Variants in PTPRT observed in about 807,000 individuals in gnomAD.
PTPRT encodes protein tyrosine phosphatase receptor type T, also known as receptor-type tyrosine-protein phosphatase T.
Under a neutral mutation model 176.8 loss-of-function variants are expected in PTPRT, and 56 were observed. That is an observed-to-expected ratio of 0.32 (90% CI 0.26 to 0.40). The LOEUF (loss-of-function observed/expected upper bound fraction) is 0.40, where lower values mean the gene tolerates loss of function less well. PTPRT is among the 10% of genes least tolerant of loss of function. The pLI, the probability that PTPRT is intolerant of heterozygous loss-of-function variation, is 1.00. For synonymous variants in PTPRT, 783 were observed against 739.0 expected (o/e 1.06, Z -0.96); for missense variants, 1,540 against 1,908.2 (o/e 0.81, Z 3.60).
At chr20:42,792,702 TCAG>T (rs2077394872) in intron 2 of PTPRT, among the ~76,000 whole-genome samples, 1 of 152,166 alleles carries the variant, frequency 6.6e-6, no homozygotes, top group Non-Finnish European at 1.5e-5. Flanking sequence ...CCACTTATCC[TCAG>T]CCAAGTTGAG....
At chr20:42,575,814 C>T (rs978626113) in intron 7 of PTPRT, among the ~76,000 whole-genome samples, 2 of 152,104 alleles carry the variant, frequency 1.3e-5, no homozygotes, top group African/African-American at 4.8e-5. Flanking sequence ...TCTCCAGCGC[C>T]CACACCCTCG....
At chr20:42,653,688 A>T (rs956386221) in intron 7 of PTPRT, among the ~76,000 whole-genome samples, 1 of 152,212 alleles carries the variant, frequency 6.6e-6, no homozygotes, top group South Asian at 2.1e-4. Flanking sequence ...TGAACTATTT[A>T]AAAAATAGTT....
intron 7 of PTPRT, among the ~76,000 whole-genome samples, chr20:42,538,293 T>C (rs992822760): frequency 6.6e-6 from 1 of 152,128 alleles, no homozygotes; most frequent in Non-Finnish European, 1.5e-5. Context: ...CCTCTCAAGG[T>C]TCCTTTTCCA....
chr20:42,147,404 C>A (rs1235944217), intron 17 of PTPRT, among the ~76,000 whole-genome samples: 2 of 152,146 alleles, frequency 1.3e-5, no homozygotes, highest in African/African-American at 2.4e-5. Flanking sequence ...GATAGCTCAC[C>A]ACTTCTCCAA....
chr20:42,962,888 G>A (rs1198137648), intron 1 of PTPRT, among the ~76,000 whole-genome samples: 7 of 152,252 alleles, frequency 4.6e-5, no homozygotes, highest in East Asian at 3.9e-4. Flanking sequence ...CCAACATGGT[G>A]AAACCCAGTC....
At chr20:42,702,138 G>A (rs963512729) in intron 6 of PTPRT, among the ~76,000 whole-genome samples, 12 of 152,062 alleles carry the variant, frequency 7.9e-5, no homozygotes, top group Non-Finnish European at 1.8e-4. Context: ...ATCACATCCT[G>A]TTCCACCCTC....
intron 15 of PTPRT, among the ~76,000 whole-genome samples, chr20:42,222,180 C>T (rs986673389): frequency 3.3e-5 from 5 of 152,302 alleles, no homozygotes; most frequent in South Asian, 2.1e-4. Flanking sequence ...GATGAGAACA[C>T]AGCACTAGTA....
chr20:42,147,030 C>T (rs1988898107), intron 17 of PTPRT, among the ~76,000 whole-genome samples: 1 of 152,180 alleles, frequency 6.6e-6, no homozygotes, highest in African/African-American at 2.4e-5. Flanking sequence ...ACTGCATCCC[C>T]AGGTAAAGCC....
At chr20:43,123,322 C>T (rs888816915) in intron 1 of PTPRT, among the ~76,000 whole-genome samples, 2 of 152,216 alleles carry the variant, frequency 1.3e-5, no homozygotes, top group African/African-American at 4.8e-5. Flanking sequence ...TCACTTGAAA[C>T]ACTTTCCACA....
chr20:43,004,640 GACA>G (rs1173159652), intron 1 of PTPRT, among the ~76,000 whole-genome samples: 2 of 152,082 alleles, frequency 1.3e-5, no homozygotes, highest in African/African-American at 4.8e-5. Context: ...ATAGAAAATA[GACA>G]AATAGGTATG....
intron 1 of PTPRT, among the ~76,000 whole-genome samples, chr20:43,084,119 A>T (rs2011540049): frequency 6.6e-6 from 1 of 152,164 alleles, no homozygotes; most frequent in African/African-American, 2.4e-5. Flanking sequence ...TCTTGGGTAG[A>T]TGCCTAGGAG....
intron 2 of PTPRT, among the ~76,000 whole-genome samples, chr20:42,840,372 T>C (rs2078256561): frequency 6.6e-6 from 1 of 152,136 alleles, no homozygotes; most frequent in South Asian, 2.1e-4. Flanking sequence ...GTATTGGTAT[T>C]TAAGGCTTCA....
chr20:42,909,521 T>C (rs529717558), intron 1 of PTPRT, among the ~76,000 whole-genome samples: 7 of 152,312 alleles, frequency 4.6e-5, no homozygotes, highest in Admixed American at 3.9e-4. Flanking sequence ...ACAATGGGGA[T>C]AGACTGTGAA....
intron 2 of PTPRT, among the ~76,000 whole-genome samples, chr20:42,829,800 T>C (rs1332651926): frequency 6.6e-6 from 1 of 152,146 alleles, no homozygotes; most frequent in Non-Finnish European, 1.5e-5. Context: ...AAAATTATCC[T>C]TAGAAACTAC....
At chr20:42,954,573 G>A (rs1981497216) in intron 1 of PTPRT, among the ~76,000 whole-genome samples, 3 of 152,172 alleles carry the variant, frequency 2.0e-5, no homozygotes, top group Non-Finnish European at 2.9e-5. Context: ...AGCAGTAAGT[G>A]CTACATAGAA....
intron 7 of PTPRT, among the ~76,000 whole-genome samples, chr20:42,614,692 T>A (rs912443921): frequency 6.6e-6 from 1 of 152,190 alleles, no homozygotes; most frequent in Non-Finnish European, 1.5e-5. Context: ...ATGAATTATT[T>A]CCCTTTACTT....
chr20:43,084,715 T>G (rs1312398166), intron 1 of PTPRT, among the ~76,000 whole-genome samples: 1 of 152,164 alleles, frequency 6.6e-6, no homozygotes, highest in African/African-American at 2.4e-5. Flanking sequence ...CTTACTATAT[T>G]TATAATCAGA....
At chr20:42,095,404 T>C (rs8123284) in intron 27 of PTPRT, among the ~76,000 whole-genome samples, 3,457 of 152,270 alleles carry the variant, frequency 0.023, 130 homozygotes, top group African/African-American at 0.078. Flanking sequence ...CCATGGCCTC[T>C]GTGCTGTTCC....
At chr20:42,303,846 A>C (rs564331185) in intron 12 of PTPRT, among the ~76,000 whole-genome samples, 1 of 152,296 alleles carries the variant, frequency 6.6e-6, no homozygotes, top group Admixed American at 6.5e-5. Flanking sequence ...TGATGGCTGA[A>C]TATAGAAGGT....
Sources: gnomAD v4.1 joint callset for allele counts (sites outside exome capture counted in the v4.1 genomes callset) on GRCh38, gnomAD v4.1.1 for gene constraint, MANE v1.5 for transcripts, NCBI Gene and HGNC (gene_info 2026-07-23, HGNC 2026-07-21) for gene names.